ARID1B: variants seen among roughly 807,000 people sequenced by gnomAD.
The protein encoded by ARID1B is AT-rich interaction domain 1B, also known as AT-rich interactive domain-containing protein 1B.
In ARID1B, 30 loss-of-function variants were observed where a neutral mutation model predicts 212.3. The observed-to-expected ratio is 0.14, with a 90% CI of 0.11 to 0.19. The LOEUF (loss-of-function observed/expected upper bound fraction) is 0.19, where lower values mean the gene tolerates loss of function less well. Among genes scored for constraint, ARID1B ranks in the 10% least tolerant of loss-of-function variants. The probability of loss-of-function intolerance (pLI) is 1.00; values close to 1 mark genes in which losing one functional copy is unlikely to be tolerated. For missense variants in ARID1B, 2,891 were observed against 3,204.0 expected, an observed-to-expected ratio of 0.90 and a Z score of 2.36; for synonymous variants, 1,402 against 1,301.7, an observed-to-expected ratio of 1.08 and a Z score of -1.66.
At chr6:157,155,066 C>T (rs1027055645) in intron 8 of ARID1B, among the ~76,000 whole-genome samples, 4 of 152,056 alleles carry the variant, frequency 2.6e-5, no homozygotes, top group Admixed American at 2.0e-4. Flanking sequence ...ATCTGAATTT[C>T]GTTACCTCTG....
rs563771544 is a variant in ARID1B, at chr6:157,084,795, C to T, written c.2381C>T (p.Ala794Val). Residue 794 changes from alanine to valine, a missense_variant, in exon 5 of 20, where the codon GCG becomes GTG. Ala to Val is a moderately conservative substitution (Grantham distance 64). Transcript: ENST00000636930. ...GCGCAGTCGCCTTTCTCCCCACATGCGTCCCCTCATCTCTCCAGCATCCCG... is the reference window on the plus strand; with the variant it reads ...GCGCAGTCGCCTTTCTCCCCACATGTGTCCCCTCATCTCTCCAGCATCCCG... ...NPAQSPFSPH[A>V]SPHLSSIPGG... 5 of 1,614,110 alleles carry T rather than the reference C, an allele frequency of 3.1e-6. No homozygotes were observed. Among genetic ancestry groups the T allele is most frequent in the African/African-American group, 2.7e-5 (2 of 75,052 alleles).
intron 2 of ARID1B, among the ~76,000 whole-genome samples, chr6:156,884,189 T>A (rs558317275): frequency 1.6e-4 from 25 of 152,322 alleles, no homozygotes; most frequent in African/African-American, 5.8e-4. Context: ...TGTTCAAGGT[T>A]TTGACATAAA....
chr6:157,039,616 A>ACCTACCTT (rs1562568901), intron 4 of ARID1B, among the ~76,000 whole-genome samples: 1 of 123,288 alleles, frequency 8.1e-6, no homozygotes, highest in Non-Finnish European at 1.7e-5. Context: ...AAAGCTACCT[A>ACCTACCTT]CCTTCCTTCC....
At chr6:156,975,646 A>C (rs1777190685) in intron 4 of ARID1B, among the ~76,000 whole-genome samples, 1 of 121,416 alleles carries the variant, frequency 8.2e-6, no homozygotes, top group Non-Finnish European at 1.7e-5. Flanking sequence ...CCTTAAAGAT[A>C]CTGGTCCACT....
At chr6:157,136,072 A>G (rs571060016) in intron 7 of ARID1B, among the ~76,000 whole-genome samples, 1 of 152,330 alleles carries the variant, frequency 6.6e-6, no homozygotes, top group South Asian at 2.1e-4. Context: ...ACATGTTACT[A>G]TGTCCTGGGT....
In ARID1B at chr6:157,196,374, C is replaced by CACA. The variant is rs918059923; in HGVS notation, c.4382+60_4382+62dup. Reference sequence around the variant, plus strand: ...TACTAGAAACCGTGCTTTCCTCACACACACATTTCTGAGCCCTGGCAGCTG... The same window carrying CACA: ...TACTAGAAACCGTGCTTTCCTCACACACAACACATTTCTGAGCCCTGGCAGCTG... On this transcript the variant is annotated intron_variant, in intron 16 of 19. Transcript: ENST00000636930. 77 of 1,551,978 alleles carry CACA rather than the reference C, an allele frequency of 5.0e-5. No homozygotes were observed. In the Admixed American group the frequency reaches 1.3e-3, roughly 26 times the overall value.
intron 4 of ARID1B, among the ~76,000 whole-genome samples, chr6:157,025,506 T>C (rs1780602185): frequency 6.6e-6 from 1 of 152,242 alleles, no homozygotes; most frequent in African/African-American, 2.4e-5. Context: ...GCCACAGATC[T>C]GTTTTCTTTC....
At chr6:157,137,956 T>G (rs1041602038) in intron 7 of ARID1B, among the ~76,000 whole-genome samples, 1 of 152,226 alleles carries the variant, frequency 6.6e-6, no homozygotes, top group Non-Finnish European at 1.5e-5. Flanking sequence ...TCCTTTTCCC[T>G]TCATTCATTA....
chr6:157,185,412 C>G (rs962821549), intron 13 of ARID1B: 5 of 152,262 alleles, frequency 3.3e-5, no homozygotes, highest in African/African-American at 1.2e-4. Flanking sequence ...ACAGCTTGTT[C>G]TGAGCGTGGC....
At chr6:156,857,620 T>C (rs969672981) in intron 2 of ARID1B, among the ~76,000 whole-genome samples, 2 of 152,242 alleles carry the variant, frequency 1.3e-5, no homozygotes, top group African/African-American at 4.8e-5. Flanking sequence ...TGATTTTTTG[T>C]TTCAGTTTGG....
intron 4 of ARID1B, among the ~76,000 whole-genome samples, chr6:157,038,832 C>T (rs1252583702): frequency 1.3e-5 from 2 of 152,108 alleles, no homozygotes; most frequent in African/African-American, 2.4e-5. Flanking sequence ...GCCAGCAGCT[C>T]TCATAGTCTG....
intron 4 of ARID1B, among the ~76,000 whole-genome samples, chr6:156,991,430 C>T (rs1487109592): frequency 2.6e-5 from 4 of 152,026 alleles, no homozygotes; most frequent in South Asian, 2.1e-4. Context: ...TGGGGTTTCA[C>T]CATGTTGGCC....
At chr6:157,080,580 G>A (rs1289778972) in intron 4 of ARID1B, among the ~76,000 whole-genome samples, 4 of 152,160 alleles carry the variant, frequency 2.6e-5, no homozygotes, top group Admixed American at 1.3e-4. Context: ...TCCTTCTGAC[G>A]CTGCCCTCCC....
intron 7 of ARID1B, among the ~76,000 whole-genome samples, chr6:157,137,966 A>G (rs1789053133): frequency 1.3e-5 from 2 of 152,126 alleles, no homozygotes; most frequent in African/African-American, 4.8e-5. Flanking sequence ...TTCATTCATT[A>G]TATGTGTCTC....
At chr6:157,091,177 T>C (rs1028521393) in intron 5 of ARID1B, among the ~76,000 whole-genome samples, 1 of 152,172 alleles carries the variant, frequency 6.6e-6, no homozygotes, top group African/African-American at 2.4e-5. Context: ...TCTGCAGCTT[T>C]ATCATGGCCA....
chr6:157,148,084 A>G lies in ARID1B; in HGVS notation c.2762-540A>G, dbSNP rs962226805. 6.6e-6 allele frequency among the ~76,000 whole-genome samples: 1 copy of G among 151,874 alleles called. No individual in the cohort carries two copies. The highest frequency in any genetic ancestry group is 2.4e-5 in the African/African-American group (1 of 41,298). ...GAAAGAAAAATATTATTCCCAACTTAGAGGAAAACTGGGGCTCATGTCAGG... is the reference window on the plus strand; with the variant it reads ...GAAAGAAAAATATTATTCCCAACTTGGAGGAAAACTGGGGCTCATGTCAGG... On this transcript the variant is annotated intron_variant, in intron 7 of 19. Coordinates refer to ENST00000636930, the MANE Select transcript of ARID1B (RefSeq NM_001374828.1). This position sits in a 1 kb window ranked among gnomAD's most constrained non-coding sequence, Gnocchi z 5.6.
chr6:157,096,718 G>A (rs1785660602), intron 5 of ARID1B, among the ~76,000 whole-genome samples: 1 of 152,212 alleles, frequency 6.6e-6, no homozygotes, highest in Non-Finnish European at 1.5e-5. Flanking sequence ...GGTGCCCACT[G>A]CCACCCGCCT....
At chr6:156,915,877 A>G (rs915138683) in intron 3 of ARID1B, among the ~76,000 whole-genome samples, 6 of 151,544 alleles carry the variant, frequency 4.0e-5, no homozygotes, top group Admixed American at 2.0e-4. Context: ...GTCTGGGTGG[A>G]CACAGCAAGA....
At chr6:157,122,247 T>C (rs1233794539) in intron 6 of ARID1B, among the ~76,000 whole-genome samples, 1 of 152,188 alleles carries the variant, frequency 6.6e-6, no homozygotes, top group African/African-American at 2.4e-5. Context: ...GCGTTTTTCC[T>C]AGACTTACGC....
Sources: allele counts gnomAD v4.1 joint callset (sites outside exome capture counted in the v4.1 genomes callset), GRCh38; gene constraint gnomAD v4.1.1; non-coding constraint Gnocchi (gnomAD v3.1); transcripts MANE v1.5; gene names NCBI Gene and HGNC (gene_info 2026-07-23, HGNC 2026-07-21).